Variants in EWSR1 observed in about 807,000 individuals in gnomAD.
The protein encoded by EWSR1 is RNA-binding protein EWS.
Under a neutral mutation model 92.1 loss-of-function variants are expected in EWSR1, and 14 were observed. That is an observed-to-expected ratio of 0.15 (90% CI 0.10 to 0.24). The LOEUF (loss-of-function observed/expected upper bound fraction) is 0.24. Ranked by LOEUF, EWSR1 falls within the 10% of genes least tolerant of loss-of-function variation. The pLI, the probability that EWSR1 is intolerant of heterozygous loss-of-function variation, is 1.00. For synonymous variants in EWSR1, 303 were observed against 292.9 expected (o/e 1.03, Z -0.35); for missense variants, 637 against 870.9 (o/e 0.73, Z 3.38).
Position 29,288,714 on chromosome 22 carries a change from G to A in EWSR1, c.902G>A (p.Gly301Asp). The A allele has an allele frequency of 6.2e-7, 1 of 1,613,984 alleles. No homozygotes were observed. Among genetic ancestry groups the A allele is most frequent in the Non-Finnish European group, 8.5e-7 (1 of 1,179,858 alleles). Residue 301 changes from glycine (G) to aspartate (D), a missense_variant, in exon 8 of 17, where the codon GGC becomes GAC. Coordinates refer to ENST00000397938, the MANE Select transcript of EWSR1 (RefSeq NM_005243.4). The part of the protein sequence containing the change: ...NRSMSGPDNR[G>D]RGRGGFDRGG... ...AGCATGAGTGGCCCTGATAACCGGG[G>A]CAGGGGAAGAGGGGGATTTGATCGT...
At chr22:29,282,005 TG>T (rs1285174129) in intron 5 of EWSR1, among the ~76,000 whole-genome samples, 6 of 152,254 alleles carry the variant, frequency 3.9e-5, no homozygotes, top group Non-Finnish European at 8.8e-5. Context: ...TGTTAGTTTC[TG>T]GTCTTCAGCA....
At chr22:29,272,331 G>A (rs2058746111) in intron 2 of EWSR1, 49 bp from the exon 3 acceptor site, 2 of 1,607,934 alleles carry the variant, frequency 1.2e-6, no homozygotes, top group Non-Finnish European at 1.7e-6. Flanking sequence ...TTGTAGAGGT[G>A]GTATTTGAAT....
In EWSR1 at chr22:29,299,042, G is replaced by A. The variant is rs765575286; in HGVS notation, c.1580+147G>A. 183 of 1,324,718 alleles carry A rather than the reference G, an allele frequency of 1.4e-4. 2 individuals are homozygous for A. Among genetic ancestry groups the A allele is most frequent in the Non-Finnish European group, 1.7e-4 (169 of 969,560 alleles). The allele number at this position is 1,324,718 out of a possible 1,614,324, so 82.1% of individuals were successfully genotyped here. A position where few individuals can be genotyped will look rare whatever the true frequency, so the allele number is the denominator to read the frequency against. On this transcript the variant is annotated intron_variant, in intron 14 of 16. Transcript: ENST00000397938. ...TAGGGACACTAGTCAGCCATTCACT[G>A]GACGCTTCAGAGCCTTCTGAAGATT...
chr22:29,279,287 G>A (rs890722054), intron 5 of EWSR1, among the ~76,000 whole-genome samples: 1 of 152,216 alleles, frequency 6.6e-6, no homozygotes, highest in African/African-American at 2.4e-5. Flanking sequence ...ACAGGCAGGA[G>A]GGGAAGGGAG....
chr22:29,282,647 G>C, intron 6 of EWSR1, 90 bp downstream of exon 6: 5 of 1,132,796 alleles, frequency 4.4e-6, no homozygotes, highest in Non-Finnish European at 6.1e-6. Context: ...CTTCAGCTAA[G>C]GTATGTTATC....
In EWSR1 at chr22:29,299,349, G is replaced by C; in HGVS notation, c.1678+18G>C. 1 of 1,608,500 alleles carries C rather than the reference G, an allele frequency of 6.2e-7. No individual in the cohort carries two copies. ...GCCCCCGGGTAGGTGCAGGTTTCAT[G>C]AGTGTCCCCTCAGCTTCCTGGTGCT... On this transcript the variant is annotated intron_variant, in intron 15 of 16. Coordinates refer to ENST00000397938, the MANE Select transcript of EWSR1 (RefSeq NM_005243.4).
At chr22:29,291,741 C>T in intron 9 of EWSR1, 142 bp downstream of exon 9, 1 of 749,720 alleles carries the variant, frequency 1.3e-6, no homozygotes, top group Non-Finnish European at 2.1e-6. Context: ...CCGGCATTGT[C>T]TTAGGGGTTA....
intron 8 of EWSR1, chr22:29,290,341 T>C: frequency 6.8e-7 from 1 of 1,471,166 alleles, no homozygotes; most frequent in Non-Finnish European, 9.3e-7. Flanking sequence ...ATTGCCTCAG[T>C]ATTTTGATAT....
chr22:29,277,313 A>G (rs2059197535), intron 4 of EWSR1: 2 of 227,144 alleles, frequency 8.8e-6, no homozygotes, highest in African/African-American at 4.4e-5. Flanking sequence ...ACGAGGCAGG[A>G]ATCTGCTTTA....
At position 29,288,630 on chromosome 22, in the gene EWSR1, G is replaced by C; in HGVS notation, c.818G>C (p.Ser273Thr). 1.9e-6 allele frequency: 3 copies of C among 1,613,182 alleles called. No homozygotes were observed. Among genetic ancestry groups the C allele is most frequent in the Non-Finnish European group, 2.5e-6 (3 of 1,179,776 alleles). ...QQSSFRQDHP[S>T]SMGVYGQESG... ...GGTTCATTCCGACAGGACCACCCCA[G>C]TAGCATGGGTGTTTATGGGCAGGAG... The change falls in exon 8 of 17, where the codon AGT (serine) becomes ACT (threonine). Residue 273 changes from serine (S) to threonine (T), a missense_variant. This residue lies in a region of EWSR1 where 116 missense variants were observed against 167.8 expected (regional missense o/e 0.69). Coordinates refer to ENST00000397938, the MANE Select transcript of EWSR1 (RefSeq NM_005243.4).
At chr22:29,279,818 A>T (rs992750455) in intron 5 of EWSR1, among the ~76,000 whole-genome samples, 1 of 152,150 alleles carries the variant, frequency 6.6e-6, no homozygotes, top group Admixed American at 6.5e-5. Context: ...GAAAGGCCTC[A>T]TTTCCGAGTG....
chr22:29,281,974 C>T (rs923731665), intron 5 of EWSR1, among the ~76,000 whole-genome samples: 4 of 152,206 alleles, frequency 2.6e-5, no homozygotes, highest in African/African-American at 9.7e-5. Flanking sequence ...AATGTTACTT[C>T]AACCTAAAAC....
chr22:29,278,619 TC>T (rs968936379), intron 5 of EWSR1, among the ~76,000 whole-genome samples: 6 of 151,826 alleles, frequency 4.0e-5, no homozygotes, highest in Admixed American at 3.3e-4. Context: ...GGTCAGGAGA[TC>T]GAGACCATCC....
chr22:29,292,758 T>C (rs2088940104), intron 11 of EWSR1, 152 bp downstream of exon 11: 1 of 486,956 alleles, frequency 2.1e-6, no homozygotes, highest in Non-Finnish European at 3.6e-6. Context: ...TAAAAAAGAT[T>C]AGCCTTTTTT....
At chr22:29,274,398 C>T (rs1456863563) in intron 4 of EWSR1, 1 of 1,144,908 alleles carries the variant, frequency 8.7e-7, no homozygotes, top group African/African-American at 1.5e-5. Context: ...TAACATCACA[C>T]ACAGCAAGGT....
intron 7 of EWSR1, 44 bp from the exon 8 acceptor site, chr22:29,288,562 T>C (rs367546975): frequency 9.0e-6 from 14 of 1,549,324 alleles, no homozygotes; most frequent in Non-Finnish European, 1.2e-5. Flanking sequence ...CAGGCAGTGG[T>C]GTAAATGCTG....
intron 8 of EWSR1, chr22:29,290,673 T>C: frequency 5.1e-6 from 7 of 1,374,108 alleles, no homozygotes; most frequent in Middle Eastern, 2.7e-4. Flanking sequence ...AGTGTAAACT[T>C]TTGTGTTTAA....
chr22:29,276,360 A>G (rs1192212138), intron 4 of EWSR1: 3 of 227,218 alleles, frequency 1.3e-5, no homozygotes, highest in Non-Finnish European at 2.6e-5. Context: ...GGAACTATGT[A>G]TACTTTCATA....
chr22:29,288,042 T>C (rs757299460), intron 7 of EWSR1, among the ~76,000 whole-genome samples: 16 of 152,130 alleles, frequency 1.1e-4, no homozygotes, highest in Non-Finnish European at 1.9e-4. Context: ...TTTAAGAAAA[T>C]AGAAAAGGAA....
Sources: gnomAD v4.1 joint callset for allele counts (sites outside exome capture counted in the v4.1 genomes callset) on GRCh38, gnomAD v4.1.1 for gene constraint, gnomAD v4.1.1 regional missense constraint, MANE v1.5 for transcripts, NCBI Gene and HGNC (gene_info 2026-07-23, HGNC 2026-07-21) for gene names.